KIRREL3: variants seen among roughly 807,000 people sequenced by gnomAD.
The protein encoded by KIRREL3 is kin of IRRE-like protein 3.
KIRREL3 carries 36 observed loss-of-function variants against 89.7 expected under a neutral mutation model. The ratio of observed to expected loss-of-function variants is 0.40; its 90% CI spans 0.31 to 0.53. The LOEUF is 0.53. Ranked by LOEUF, KIRREL3 falls within the 20% of genes least tolerant of loss-of-function variation. The pLI, the probability that KIRREL3 is intolerant of heterozygous loss-of-function variation, is 0.49. For synonymous variants in KIRREL3, 445 were observed against 441.4 expected (o/e 1.01, Z -0.10); for missense variants, 864 against 1,056.6 (o/e 0.82, Z 2.53).
At chr11:126,826,541 T>G (rs1447638918) in intron 1 of KIRREL3, among the ~76,000 whole-genome samples, 1 of 152,154 alleles carries the variant, frequency 6.6e-6, no homozygotes, top group Non-Finnish European at 1.5e-5. Context: ...GCTTTCGACT[T>G]CCTCTCGGCC....
intron 1 of KIRREL3, among the ~76,000 whole-genome samples, chr11:126,745,524 C>T (rs376241617): frequency 6.6e-6 from 1 of 151,562 alleles, no homozygotes; most frequent in Admixed American, 6.6e-5. Flanking sequence ...CCAAACAAAA[C>T]CCTCAGATAA....
rs948431065 is a variant in KIRREL3, at chr11:126,843,722, T to C, written c.55+156733A>G. Among the ~76,000 whole-genome samples, 5 of 152,034 alleles carry C rather than the reference T, an allele frequency of 3.3e-5. No individual in the cohort carries two copies. Among genetic ancestry groups the C allele is most frequent in the South Asian group, 2.1e-4 (1 of 4,816 alleles). Reference sequence around the variant, plus strand: ...ATAGGAGGTCAGCACAAGATACAGGTCATGGAGACTTTGCTGATAAAACAG... The same window carrying C: ...ATAGGAGGTCAGCACAAGATACAGGCCATGGAGACTTTGCTGATAAAACAG... On this transcript the variant is annotated intron_variant, in intron 1 of 16. Coordinates refer to ENST00000525144, the MANE Select transcript of KIRREL3 (RefSeq NM_032531.4). The surrounding 1 kb of genome is among the most constrained non-coding windows in gnomAD (Gnocchi z 4.6).
At chr11:126,497,564 T>A (rs917520638) in intron 4 of KIRREL3, among the ~76,000 whole-genome samples, 2 of 152,230 alleles carry the variant, frequency 1.3e-5, no homozygotes, top group Non-Finnish European at 2.9e-5. Context: ...CAGATTCTAG[T>A]TGGCATCTGT....
rs1427903963 is a variant in KIRREL3 at position 126,655,184 on chromosome 11, G to A, written c.56-92272C>T. ...AGTGCAGGGTTGGGGTACGGGGAAA[G>A]GGGTAAGAAAGGAGATTAGTCACTT... On this transcript the variant is annotated intron_variant, in intron 1 of 16. Coordinates refer to ENST00000525144, the MANE Select transcript of KIRREL3 (RefSeq NM_032531.4). The surrounding 1 kb of genome is among the most constrained non-coding windows in gnomAD (Gnocchi z 5.0). Among the ~76,000 whole-genome samples the A allele has an allele frequency of 6.6e-6, 1 of 152,234 alleles. No individual in the cohort carries two copies. The highest frequency in any genetic ancestry group is 1.5e-5 in the Non-Finnish European group (1 of 68,042).
At chr11:126,718,337 T>C (rs1484687090) in intron 1 of KIRREL3, among the ~76,000 whole-genome samples, 1 of 151,756 alleles carries the variant, frequency 6.6e-6, no homozygotes, top group Non-Finnish European at 1.5e-5. Flanking sequence ...CCTAGCTGCA[T>C]GCAGGTGCAA....
chr11:126,603,913 C>G (rs931989656), intron 1 of KIRREL3, among the ~76,000 whole-genome samples: 1 of 152,190 alleles, frequency 6.6e-6, no homozygotes, highest in East Asian at 1.9e-4. Flanking sequence ...CCACTAGCCC[C>G]GAGGCTGGAG....
rs981053525 is a variant in KIRREL3 at position 126,640,980 on chromosome 11, C to T, written c.56-78068G>A. ...AACTCTGGACTCATCTATCCAATTG[C>T]CTAGTTCTCCCCTCCACTTGCAATG... On this transcript the variant is annotated intron_variant, in intron 1 of 16. Transcript: ENST00000525144. The surrounding 1 kb of genome is among the most constrained non-coding windows in gnomAD (Gnocchi z 4.9). Among the ~76,000 whole-genome samples, 3 of 152,138 alleles carry T rather than the reference C, an allele frequency of 2.0e-5. No homozygotes were observed. The highest frequency in any genetic ancestry group is 7.2e-5 in the African/African-American group (3 of 41,424).
chr11:126,598,561 C>A (rs1451087714), intron 1 of KIRREL3, among the ~76,000 whole-genome samples: 1 of 152,112 alleles, frequency 6.6e-6, no homozygotes, highest in Non-Finnish European at 1.5e-5. Context: ...GCTTCAGCAG[C>A]CATTTTATGA....
At chr11:126,446,312 CT>C in intron 9 of KIRREL3, among the ~76,000 whole-genome samples, 3 of 149,602 alleles carry the variant, frequency 2.0e-5, no homozygotes, top group East Asian at 2.0e-4. Context: ...CTCTCTCTCT[CT>C]TCCTTTCTTC....
At position 126,612,537 on chromosome 11, in the gene KIRREL3, T is replaced by A. The variant is rs1943176085; in HGVS notation, c.56-49625A>T. On this transcript the variant is annotated intron_variant, in intron 1 of 16. Transcript: ENST00000525144. The surrounding 1 kb of genome is among the most constrained non-coding windows in gnomAD (Gnocchi z 4.5). Reference sequence around the variant, plus strand: ...ATGTTGTTCATATAACATAACATTTTCCCCTTTAAAATAGACAGTTCAGTA... The same window carrying A: ...ATGTTGTTCATATAACATAACATTTACCCCTTTAAAATAGACAGTTCAGTA... 6.6e-6 allele frequency among the ~76,000 whole-genome samples: 1 copy of A among 152,208 alleles called. No homozygotes were observed. The highest frequency in any genetic ancestry group is 6.5e-5 in the Admixed American group (1 of 15,274).
chr11:126,922,017 CCTAT>C (rs1260640523), intron 1 of KIRREL3, among the ~76,000 whole-genome samples: 14 of 121,892 alleles, frequency 1.1e-4, no homozygotes, highest in East Asian at 5.1e-4. Flanking sequence ...CATCTATCTT[CCTAT>C]CTATCTTCCT....
upstream of KIRREL3, among the ~76,000 whole-genome samples, chr11:127,001,316 G>T (rs1036370012): frequency 0.01 from 625 of 60,436 alleles, 14 homozygotes; most frequent in African/African-American, 0.039. Flanking sequence ...GGTTGTGGTG[G>T]GGGGGGGGGG....
chr11:126,532,398 G>T (rs188837845), intron 2 of KIRREL3, among the ~76,000 whole-genome samples: 2 of 138,908 alleles, frequency 1.4e-5, no homozygotes, highest in Non-Finnish European at 1.6e-5. Flanking sequence ...ATTTTGAGAC[G>T]GAGTCTTGCT....
chr11:126,782,492 A>T lies in KIRREL3; in HGVS notation c.55+217963T>A, dbSNP rs969231614. Among the ~76,000 whole-genome samples the T allele has an allele frequency of 2.0e-5, 3 of 152,230 alleles. No homozygotes were observed. Among genetic ancestry groups the T allele is most frequent in the African/African-American group, 7.2e-5 (3 of 41,458 alleles). On this transcript the variant is annotated intron_variant, in intron 1 of 16. Coordinates refer to ENST00000525144, the MANE Select transcript of KIRREL3 (RefSeq NM_032531.4). The surrounding 1 kb of genome is among the most constrained non-coding windows in gnomAD (Gnocchi z 4.1). The stretch of plus-strand genomic sequence containing the variant: ...AGGAAATTCAGTTTGGAGAGGAGGC[A>T]GGGGTGCCACTAGCTGATTTAGCGA...
At chr11:126,698,953 G>C (rs1947207858) in intron 1 of KIRREL3, among the ~76,000 whole-genome samples, 1 of 152,220 alleles carries the variant, frequency 6.6e-6, no homozygotes, top group Admixed American at 6.5e-5. Context: ...TAAGGGGCTG[G>C]GAGCTGCCTG....
chr11:126,433,602 G>T (rs1955214298), intron 13 of KIRREL3, among the ~76,000 whole-genome samples: 1 of 152,220 alleles, frequency 6.6e-6, no homozygotes, highest in South Asian at 2.1e-4. Flanking sequence ...ATTGAAACGG[G>T]AGGTGCTCGC....
intron 10 of KIRREL3, 79 bp from the exon 11 acceptor site, chr11:126,440,628 G>T: frequency 8.1e-7 from 1 of 1,236,924 alleles, no homozygotes; most frequent in Non-Finnish European, 1.2e-6. Flanking sequence ...GTTCAGAAGT[G>T]TATTCATTAA....
intron 1 of KIRREL3, among the ~76,000 whole-genome samples, chr11:126,799,369 T>G (rs1242982909): frequency 8.0e-6 from 1 of 124,392 alleles, no homozygotes; most frequent in Non-Finnish European, 1.6e-5. Flanking sequence ...TATCTGTGTA[T>G]CTGTGTGTGC....
chr11:126,729,270 C>T lies in KIRREL3; in HGVS notation c.56-166358G>A, dbSNP rs546405507. Among the ~76,000 whole-genome samples the T allele has an allele frequency of 3.2e-4, 48 of 152,286 alleles. No individual in the cohort carries two copies. Among genetic ancestry groups the T allele is most frequent in the African/African-American group, 1.1e-3 (46 of 41,552 alleles). Reference sequence around the variant, plus strand: ...GAAGCAGACTTCTAAGAAACAAGCACGCTGGCTTAACAACAAATCTAATTC... The same window carrying T: ...GAAGCAGACTTCTAAGAAACAAGCATGCTGGCTTAACAACAAATCTAATTC... On this transcript the variant is annotated intron_variant, in intron 1 of 16. Coordinates refer to ENST00000525144, the MANE Select transcript of KIRREL3 (RefSeq NM_032531.4). The surrounding 1 kb of genome is among the most constrained non-coding windows in gnomAD (Gnocchi z 4.5).
Sources: gnomAD v4.1 joint callset for allele counts (sites outside exome capture counted in the v4.1 genomes callset) on GRCh38, gnomAD v4.1.1 for gene constraint, Gnocchi (gnomAD v3.1) non-coding constraint, MANE v1.5 for transcripts, NCBI Gene and HGNC (gene_info 2026-07-23, HGNC 2026-07-21) for gene names.